The following SAMD3 variants were observed in gnomAD, a reference collection of about 807,000 sequenced individuals.
The protein encoded by SAMD3 is sterile alpha motif domain-containing protein 3.
A neutral mutation model predicts 58.5 loss-of-function variants in SAMD3; 63 were observed. The observed-to-expected ratio is 1.08, with a 90% CI of 0.88 to 1.33. The LOEUF (loss-of-function observed/expected upper bound fraction) is 1.33. Among genes scored for constraint, SAMD3 ranks in the 40% most tolerant of loss-of-function variants. The probability of loss-of-function intolerance (pLI) is 0.00; values close to 1 mark genes in which losing one functional copy is unlikely to be tolerated. For missense variants in SAMD3, 604 were observed against 608.4 expected, an observed-to-expected ratio of 0.99 and a Z score of 0.08; for synonymous variants, 220 against 210.3, an observed-to-expected ratio of 1.05 and a Z score of -0.40.
chr6:130,326,859 C>A (rs549488110), intron 1 of SAMD3, among the ~76,000 whole-genome samples: 1 of 152,200 alleles, frequency 6.6e-6, no homozygotes, highest in Non-Finnish European at 1.5e-5. Flanking sequence ...GTCATCCAAC[C>A]ACAGGCACTA....
intron 5 of SAMD3, among the ~76,000 whole-genome samples, chr6:130,193,599 C>T (rs1026916514): frequency 1.3e-5 from 2 of 152,096 alleles, no homozygotes; most frequent in Non-Finnish European, 2.9e-5. Context: ...GGGCAACTTT[C>T]CACCCTCCAT....
intron 5 of SAMD3, among the ~76,000 whole-genome samples, chr6:130,189,471 G>T (rs1485841528): frequency 6.6e-6 from 1 of 152,174 alleles, no homozygotes; most frequent in African/African-American, 2.4e-5. Flanking sequence ...TATTTGTTTG[G>T]CAGCCTGTGC....
At chr6:130,228,734 A>T (rs1446374370) in intron 2 of SAMD3, among the ~76,000 whole-genome samples, 2 of 152,170 alleles carry the variant, frequency 1.3e-5, no homozygotes, top group African/African-American at 4.8e-5. Flanking sequence ...AATGGACTCA[A>T]CATGGACCCT....
intron 1 of SAMD3, among the ~76,000 whole-genome samples, chr6:130,351,227 G>A (rs1400501619): frequency 6.6e-6 from 1 of 152,074 alleles, no homozygotes; most frequent in East Asian, 1.9e-4. Flanking sequence ...TTAACAAATG[G>A]GATCTAATTA....
intron 2 of SAMD3, among the ~76,000 whole-genome samples, chr6:130,311,279 G>C (rs1776149050): frequency 6.6e-6 from 1 of 152,210 alleles, no homozygotes; most frequent in Admixed American, 6.5e-5. Flanking sequence ...AGTTTATTTA[G>C]AAAGCACTTA....
At chr6:130,308,871 A>G (rs961011760) in intron 2 of SAMD3, among the ~76,000 whole-genome samples, 1 of 152,190 alleles carries the variant, frequency 6.6e-6, no homozygotes, top group Admixed American at 6.6e-5. Flanking sequence ...TTTATTGAGA[A>G]TGAGTGCATG....
chr6:130,216,675 C>T (rs1016568325), intron 1 of SAMD3, 59 bp from the exon 2 acceptor site: 10 of 152,136 alleles, frequency 6.6e-5, no homozygotes, highest in African/African-American at 2.2e-4. Flanking sequence ...TTCACAAACA[C>T]CAACTTGAAA....
At chr6:130,266,639 C>A (rs576388982) in intron 2 of SAMD3, among the ~76,000 whole-genome samples, 2 of 152,246 alleles carry the variant, frequency 1.3e-5, no homozygotes, top group South Asian at 4.1e-4. Flanking sequence ...AGAGTCCCAC[C>A]GGGACTGGAC....
At chr6:130,285,585 G>C (rs780359975) in intron 2 of SAMD3, among the ~76,000 whole-genome samples, 1 of 152,128 alleles carries the variant, frequency 6.6e-6, no homozygotes, top group African/African-American at 2.4e-5. Flanking sequence ...AGGATGAGGA[G>C]AGAAAAAACA....
At chr6:130,182,699 C>T (rs1792485038) in intron 7 of SAMD3, among the ~76,000 whole-genome samples, 1 of 152,032 alleles carries the variant, frequency 6.6e-6, no homozygotes, top group African/African-American at 2.4e-5. Context: ...AGGGAGGAAA[C>T]AGAGCCTTAA....
chr6:130,230,302 T>A (rs1283985755), intron 2 of SAMD3, among the ~76,000 whole-genome samples: 1 of 152,172 alleles, frequency 6.6e-6, no homozygotes, highest in Non-Finnish European at 1.5e-5. Context: ...GCAGGGGGAC[T>A]TTTTTGTGCT....
intron 2 of SAMD3, among the ~76,000 whole-genome samples, chr6:130,311,156 A>T (rs899176670): frequency 5.3e-5 from 8 of 152,182 alleles, no homozygotes; most frequent in African/African-American, 1.4e-4. Flanking sequence ...GCTACATTTA[A>T]AAAGGATCTT....
chr6:130,347,278 CA>C (rs1777485902), intron 1 of SAMD3, among the ~76,000 whole-genome samples: 1 of 152,044 alleles, frequency 6.6e-6, no homozygotes, highest in Admixed American at 6.5e-5. Flanking sequence ...CAAACTACTC[CA>C]AGCTAAAGGA....
chr6:130,355,417 C>G (rs768833983), intron 1 of SAMD3, among the ~76,000 whole-genome samples: 1 of 152,068 alleles, frequency 6.6e-6, no homozygotes, highest in Admixed American at 6.5e-5. Flanking sequence ...GAGTGAGACT[C>G]TGTCTCAAAA....
chr6:130,204,838 A>T (rs1019886255), intron 5 of SAMD3, among the ~76,000 whole-genome samples: 2 of 151,832 alleles, frequency 1.3e-5, no homozygotes, highest in African/African-American at 4.8e-5. Flanking sequence ...CAGAGGAAAA[A>T]AAAAATCACA....
intron 2 of SAMD3, among the ~76,000 whole-genome samples, chr6:130,306,066 T>C (rs1262449008): frequency 6.6e-6 from 1 of 152,210 alleles, no homozygotes; most frequent in Non-Finnish European, 1.5e-5. Context: ...CTAATCCCAC[T>C]GATCTAGTTA....
chr6:130,173,501 A>C (rs1791431473), intron 8 of SAMD3, among the ~76,000 whole-genome samples: 1 of 152,220 alleles, frequency 6.6e-6, no homozygotes, highest in East Asian at 1.9e-4. Context: ...GGGTATTACC[A>C]GTTGAGGCTG....
intron 2 of SAMD3, among the ~76,000 whole-genome samples, chr6:130,280,553 CT>C (rs930325658): frequency 2.0e-5 from 3 of 152,192 alleles, no homozygotes; most frequent in African/African-American, 7.2e-5. Flanking sequence ...TCTCTTCTAG[CT>C]TCCCAATTGC....
intron 1 of SAMD3, among the ~76,000 whole-genome samples, chr6:130,348,482 G>A (rs1018207592): frequency 4.1e-4 from 63 of 152,174 alleles, no homozygotes; most frequent in African/African-American, 1.4e-3. Flanking sequence ...AGACAAAGAA[G>A]GCCATTACAT....
Sources: gnomAD v4.1 joint callset for allele counts (sites outside exome capture counted in the v4.1 genomes callset) on GRCh38, gnomAD v4.1.1 for gene constraint, MANE v1.5 for transcripts, NCBI Gene and HGNC (gene_info 2026-07-23, HGNC 2026-07-21) for gene names.